Variants in UGT1A6 observed in about 807,000 individuals in gnomAD.
UGT1A6 encodes UDP-glucuronosyltransferase 1A6.
In UGT1A6, 32 loss-of-function variants were observed where a neutral mutation model predicts 44.4. That is an observed-to-expected ratio of 0.72 (90% CI 0.54 to 0.97). The LOEUF (loss-of-function observed/expected upper bound fraction) is 0.97. Ranked by LOEUF, UGT1A6 falls within the 50% of genes least tolerant of loss-of-function variation. The pLI, the probability that UGT1A6 is intolerant of heterozygous loss-of-function variation, is 0.00. For missense variants in UGT1A6, 685 were observed against 661.9 expected (o/e 1.03, Z -0.38); for synonymous variants, 238 against 248.5 (o/e 0.96, Z 0.40).
chr2:233,715,359 CTT>C (rs892962742), intron 1 of UGT1A6, among the ~76,000 whole-genome samples: 5 of 150,138 alleles, frequency 3.3e-5, no homozygotes, highest in Non-Finnish European at 7.4e-5. Context: ...AGGTTTGAGA[CTT>C]ATATTTTCTT....
At chr2:233,757,617 A>C (rs1696679661) in intron 1 of UGT1A6, among the ~76,000 whole-genome samples, 1 of 148,812 alleles carries the variant, frequency 6.7e-6, no homozygotes, top group South Asian at 2.2e-4. Flanking sequence ...AACTGCTAAA[A>C]GATACAAGGC....
intron 1 of UGT1A6, among the ~76,000 whole-genome samples, chr2:233,740,447 G>A (rs1691391497): frequency 6.6e-6 from 1 of 151,994 alleles, no homozygotes; most frequent in African/African-American, 2.4e-5. Context: ...GGAATCAGAG[G>A]AGAAGAAGAT....
Position 233,729,755 on chromosome 2 carries a change from G to T in UGT1A6, c.861+35890G>T, listed in dbSNP as rs2077920089. 1 of 1,613,802 alleles carries T rather than the reference G, an allele frequency of 6.2e-7. No homozygotes were observed. The highest frequency in any genetic ancestry group is 8.5e-7 in the Non-Finnish European group (1 of 1,179,862). On this transcript the variant is annotated intron_variant, in intron 1 of 4. Transcript: ENST00000305139. ...TCAGACCACATGACATTCATGCAAA[G>T]GGTCAAGAACATGCTCTACCCTCTG...
At position 233,769,732 on chromosome 2, in the gene UGT1A6, G is replaced by A; in HGVS notation, c.1301+1293G>A. The A allele has an allele frequency of 2.7e-6, 4 of 1,465,694 alleles. No homozygotes were observed. Among genetic ancestry groups the A allele is most frequent in the South Asian group, 2.9e-5 (2 of 70,094 alleles). 90.8% of individuals were successfully genotyped at this position (1,465,694 alleles called of 1,614,324 possible). ...TGGCTAGGCACCATGGCACACGCCT[G>A]TAGTCCCAGCCACTCTGGAGGCTAA... On this transcript the variant is annotated intron_variant, in intron 4 of 4. Coordinates refer to ENST00000305139, the MANE Select transcript of UGT1A6 (RefSeq NM_001072.4). This position sits in a 1 kb window ranked among gnomAD's most constrained non-coding sequence, Gnocchi z 4.4.
chr2:233,744,032 T>C, intron 1 of UGT1A6: 1 of 835,228 alleles, frequency 1.2e-6, no homozygotes, highest in African/African-American at 1.8e-5. Context: ...ACGCCCCTTA[T>C]GACGCAGCCA....
intron 1 of UGT1A6, among the ~76,000 whole-genome samples, chr2:233,717,124 A>G (rs1167442935): frequency 1.3e-5 from 2 of 152,206 alleles, no homozygotes; most frequent in African/African-American, 4.8e-5. Context: ...CTACATGGAA[A>G]TAGAACACCA....
intron 1 of UGT1A6, among the ~76,000 whole-genome samples, chr2:233,736,379 C>T (rs2078756345): frequency 6.6e-6 from 1 of 152,164 alleles, no homozygotes; most frequent in African/African-American, 2.4e-5. Context: ...TTAAGGTCTT[C>T]TCTACAGTGT....
chr2:233,770,703 G>C (rs1283135440), intron 4 of UGT1A6: 2 of 151,540 alleles, frequency 1.3e-5, no homozygotes, highest in African/African-American at 4.8e-5. Flanking sequence ...TCATCTTAAG[G>C]TTTATGTAAA....
At chr2:233,757,535 A>AATATATATACATATACATACATATAT (rs376887521) in intron 1 of UGT1A6, among the ~76,000 whole-genome samples, 2 of 88,310 alleles carry the variant, frequency 2.3e-5, no homozygotes, top group African/African-American at 1.0e-4. Flanking sequence ...GCCTGTAAGG[A>AATATATATACATATACATACATATAT]ATATATATAT....
intron 1 of UGT1A6, chr2:233,718,659 T>G: frequency 6.5e-7 from 1 of 1,530,752 alleles, no homozygotes; most frequent in Non-Finnish European, 8.8e-7. Flanking sequence ...CGAAAGGCAG[T>G]TATAGATTAA....
chr2:233,714,236 G>A (rs560631891), intron 1 of UGT1A6, among the ~76,000 whole-genome samples: 1 of 152,282 alleles, frequency 6.6e-6, no homozygotes, highest in South Asian at 2.1e-4. Flanking sequence ...ATTTTCAGTA[G>A]AAAGGAGGAA....
At chr2:233,692,754 G>C (rs1306162834), upstream of UGT1A6, 1 of 1,140,734 alleles carries the variant, frequency 8.8e-7, no homozygotes, top group Non-Finnish European at 1.2e-6. Context: ...GCAGACTTGT[G>C]GAGCTGAAGA....
intron 1 of UGT1A6, among the ~76,000 whole-genome samples, chr2:233,725,654 C>T (rs918402674): frequency 3.9e-4 from 59 of 152,204 alleles, no homozygotes; most frequent in African/African-American, 1.3e-3. Context: ...TACAGCATAT[C>T]TCAATTTGGA....
intron 1 of UGT1A6, among the ~76,000 whole-genome samples, chr2:233,764,963 G>A (rs1465022385): frequency 6.6e-6 from 1 of 152,090 alleles, no homozygotes; most frequent in East Asian, 1.9e-4. Flanking sequence ...GCTCACCTTG[G>A]GAGAAGGATG....
At chr2:233,743,452 GA>G (rs1692298839) in intron 1 of UGT1A6, 1 of 1,365,542 alleles carries the variant, frequency 7.3e-7, no homozygotes, top group Non-Finnish European at 9.8e-7. Flanking sequence ...ATCAAAAGAA[GA>G]AAAAACACCC....
intron 1 of UGT1A6, among the ~76,000 whole-genome samples, chr2:233,759,856 C>T (rs1446471980): frequency 2.0e-5 from 3 of 152,092 alleles, no homozygotes; most frequent in Admixed American, 6.6e-5. Context: ...GTTTCCATGG[C>T]GAAAGCGGGG....
intron 1 of UGT1A6, among the ~76,000 whole-genome samples, chr2:233,737,049 A>G (rs2078837950): frequency 1.3e-5 from 2 of 152,210 alleles, no homozygotes; most frequent in Admixed American, 6.5e-5. Context: ...ATGCCATACT[A>G]GGAGAACGAG....
chr2:233,730,905 A>T (rs1322657764), intron 1 of UGT1A6, among the ~76,000 whole-genome samples: 1 of 152,098 alleles, frequency 6.6e-6, no homozygotes, highest in East Asian at 1.9e-4. Flanking sequence ...CCTTTACCAA[A>T]AATTTCAGAG....
At chr2:233,725,764 C>G (rs1373965651) in intron 1 of UGT1A6, among the ~76,000 whole-genome samples, 2 of 152,148 alleles carry the variant, frequency 1.3e-5, no homozygotes, top group Admixed American at 1.3e-4. Context: ...ACATTTTCTT[C>G]ACATAGTTTG....
Sources: gnomAD v4.1 joint callset for allele counts (sites outside exome capture counted in the v4.1 genomes callset) on GRCh38, gnomAD v4.1.1 for gene constraint, Gnocchi (gnomAD v3.1) non-coding constraint, MANE v1.5 for transcripts, NCBI Gene and HGNC (gene_info 2026-07-23, HGNC 2026-07-21) for gene names.